The following RELN variants were observed in gnomAD, a reference collection of about 807,000 sequenced individuals.
RELN encodes the protein reelin.
Under a neutral mutation model 427.6 loss-of-function variants are expected in RELN, and 108 were observed. That is an observed-to-expected ratio of 0.25 (90% confidence interval 0.22 to 0.30). RELN has a LOEUF of 0.30. Among genes scored for constraint, RELN ranks in the 10% least tolerant of loss-of-function variants. RELN has a pLI of 1.00. For synonymous variants in RELN, 1,524 were observed against 1,513.4 expected, an observed-to-expected ratio of 1.01 and a Z score of -0.16; for missense variants, 3,715 against 4,302.8, an observed-to-expected ratio of 0.86 and a Z score of 3.82.
chr7:103,648,649 G>C (rs1042061727), intron 16 of RELN, among the ~76,000 whole-genome samples: 1 of 152,090 alleles, frequency 6.6e-6, no homozygotes, highest in African/African-American at 2.4e-5. Context: ...ACAGTGAACA[G>C]ACAACCTACA....
At chr7:103,908,021 G>A (rs1053300101) in intron 2 of RELN, among the ~76,000 whole-genome samples, 3 of 152,010 alleles carry the variant, frequency 2.0e-5, no homozygotes, top group African/African-American at 7.2e-5. Flanking sequence ...TGTTCTCATT[G>A]TTCAACTCCC....
intron 3 of RELN, among the ~76,000 whole-genome samples, chr7:103,806,474 G>A (rs1053561964): frequency 5.9e-5 from 9 of 151,906 alleles, no homozygotes; most frequent in East Asian, 1.9e-4. Flanking sequence ...ACAGGCACCC[G>A]CCACCACACC....
chr7:103,988,691 G>C lies in RELN; in HGVS notation c.226+440C>G, dbSNP rs2116858685. 6.6e-6 allele frequency among the ~76,000 whole-genome samples: 1 copy of C among 152,322 alleles called. No homozygotes were observed. On this transcript the variant is annotated intron_variant, in intron 1 of 64. Coordinates refer to ENST00000428762, the MANE Select transcript of RELN (RefSeq NM_005045.4). This position sits in a 1 kb window ranked among gnomAD's most constrained non-coding sequence, Gnocchi z 4.9. ...ACCTGGGCGCTTCAATCTGTCACCA[G>C]CCTGCCCGCAAAGCCCAGCGACAGC...
chr7:103,673,627 G>A (rs1833443495), intron 11 of RELN, among the ~76,000 whole-genome samples: 2 of 152,068 alleles, frequency 1.3e-5, no homozygotes, highest in South Asian at 2.1e-4. Flanking sequence ...CAGAGAGGGT[G>A]GTAAACTTTC....
At chr7:103,607,810 C>A (rs931651953) in intron 22 of RELN, among the ~76,000 whole-genome samples, 1 of 152,166 alleles carries the variant, frequency 6.6e-6, no homozygotes, top group Non-Finnish European at 1.5e-5. Flanking sequence ...GAAACTCATT[C>A]ACTCATTAGG....
At chr7:103,528,391 T>A (rs1375212095) in intron 46 of RELN, among the ~76,000 whole-genome samples, 1 of 151,392 alleles carries the variant, frequency 6.6e-6, no homozygotes, top group Non-Finnish European at 1.5e-5. Context: ...GGGTGAGGGG[T>A]GGGGAGTGAC....
At chr7:103,667,463 A>C (rs1176341971) in intron 11 of RELN, among the ~76,000 whole-genome samples, 1 of 152,210 alleles carries the variant, frequency 6.6e-6, no homozygotes, top group Non-Finnish European at 1.5e-5. Flanking sequence ...GCAATTTTAT[A>C]AATAAAAACA....
intron 50 of RELN, among the ~76,000 whole-genome samples, chr7:103,511,450 T>C (rs1285431464): frequency 6.6e-6 from 1 of 152,214 alleles, no homozygotes; most frequent in East Asian, 1.9e-4. Flanking sequence ...TTATTTTTTT[T>C]AATACCGGAT....
intron 2 of RELN, among the ~76,000 whole-genome samples, chr7:103,896,626 T>C (rs7795445): frequency 0.8 from 121,793 of 151,898 alleles, 48,902 homozygotes; most frequent in East Asian, 0.89. Context: ...AGGAGAGATA[T>C]GAGGGAACTT....
In RELN at chr7:103,640,596, C is replaced by A; in HGVS notation, c.2016G>T (p.Pro672=). The part of the protein sequence containing the change: ...MWAIDNVYIG[P]SCLKFCSGRG... Reference sequence around the variant, plus strand: ...TGCCAGAACAGAATTTGAGACATGACGGGCCAATATAAACTGTGGGAGGGA... The same window carrying A: ...TGCCAGAACAGAATTTGAGACATGAAGGGCCAATATAAACTGTGGGAGGGA... Residue 672 remains proline (P), a synonymous_variant, in exon 17 of 65, where the codon CCG becomes CCT. Transcript: ENST00000428762. This position sits in a 1 kb window ranked among gnomAD's most constrained non-coding sequence, Gnocchi z 4.1. The A allele has an allele frequency of 6.2e-7, 1 of 1,613,664 alleles. No individual in the cohort carries two copies. Among genetic ancestry groups the A allele is most frequent in the Non-Finnish European group, 8.5e-7 (1 of 1,179,816 alleles).
chr7:103,830,963 C>A (rs558582805), intron 3 of RELN, among the ~76,000 whole-genome samples: 1 of 151,976 alleles, frequency 6.6e-6, no homozygotes, highest in African/African-American at 2.4e-5. Flanking sequence ...TAAAAACTGA[C>A]GAAACTGTAT....
chr7:103,762,217 G>T (rs1372883569), intron 4 of RELN, among the ~76,000 whole-genome samples: 7 of 152,148 alleles, frequency 4.6e-5, no homozygotes, highest in African/African-American at 1.7e-4. Context: ...GTAGGAGGTG[G>T]TGAGTGCTGG....
chr7:103,906,600 T>A (rs573838788), intron 2 of RELN, among the ~76,000 whole-genome samples: 1 of 152,156 alleles, frequency 6.6e-6, no homozygotes, highest in Non-Finnish European at 1.5e-5. Context: ...TGGCTGCCCA[T>A]AGCTCCTGAA....
chr7:103,652,437 G>A, intron 14 of RELN, 114 bp downstream of exon 14: 4 of 797,636 alleles, frequency 5.0e-6, no homozygotes, highest in South Asian at 4.6e-5. Context: ...TTTCATCAAT[G>A]AGTATTTTAC....
intron 2 of RELN, among the ~76,000 whole-genome samples, chr7:103,853,479 A>G (rs62482263): frequency 0.15 from 22,072 of 151,902 alleles, 1,881 homozygotes; most frequent in East Asian, 0.34. Context: ...TTATGTAGAA[A>G]ATATTATCTT....
Position 103,515,221 on chromosome 7 carries a change from T to A in RELN, c.8083A>T (p.Ile2695Phe), listed in dbSNP as rs1829531529. The A allele has an allele frequency of 5.6e-6, 9 of 1,614,056 alleles. No individual in the cohort carries two copies. The highest frequency in any genetic ancestry group is 1.3e-5 in the African/African-American group (1 of 74,916). The change falls in exon 50 of 65, where the codon ATC becomes TTC. Residue 2695 changes from isoleucine to phenylalanine, a missense_variant. This residue lies in a region of RELN where 1,310 missense variants were observed against 1,643.0 expected (regional missense o/e 0.80). Coordinates refer to ENST00000428762, the MANE Select transcript of RELN (RefSeq NM_005045.4). Reference sequence around the variant, plus strand: ...TCTTCCATAAACATGTCAAAGGCGATCCTCCCGACAGGGCCGGCATCTGCA... The same window carrying A: ...TCTTCCATAAACATGTCAAAGGCGAACCTCCCGACAGGGCCGGCATCTGCA... ...SPADAGPVGRIAFDMFMEDKT... is the reference protein window; with the variant it reads ...SPADAGPVGRFAFDMFMEDKT...
intron 8 of RELN, 108 bp downstream of exon 8, chr7:103,723,032 T>A: frequency 1.4e-6 from 1 of 717,564 alleles, no homozygotes; most frequent in Non-Finnish European, 2.5e-6. Context: ...AATTAAGACT[T>A]ACTATTCTGT....
chr7:103,869,148 G>T lies in RELN; in HGVS notation c.338-35476C>A, dbSNP rs114626732. Among the ~76,000 whole-genome samples, 780 of 152,192 alleles carry T rather than the reference G, an allele frequency of 5.1e-3. 10 individuals are homozygous for T. Among genetic ancestry groups the T allele is most frequent in the African/African-American group, 0.018 (752 of 41,550 alleles). On this transcript the variant is annotated intron_variant, in intron 2 of 64. Transcript: ENST00000428762. ...CAAATTTTGTGAAGTGTAGGATGGG[G>T]AGTTTCAAGTTGTAAAGTAAGAAGT... is the stretch of plus-strand genomic sequence containing the variant.
intron 21 of RELN, among the ~76,000 whole-genome samples, chr7:103,611,288 A>G (rs1392677212): frequency 6.6e-6 from 1 of 152,210 alleles, no homozygotes; most frequent in African/African-American, 2.4e-5. Context: ...AGATGAAGAC[A>G]CATTTATAAA....
Sources: gnomAD v4.1 joint callset for allele counts (sites outside exome capture counted in the v4.1 genomes callset) on GRCh38, gnomAD v4.1.1 for gene constraint, gnomAD v4.1.1 regional missense constraint, Gnocchi (gnomAD v3.1) non-coding constraint, MANE v1.5 for transcripts, NCBI Gene and HGNC (gene_info 2026-07-23, HGNC 2026-07-21) for gene names.